Variants in KAZN observed in about 807,000 individuals in gnomAD.
KAZN encodes the protein kazrin, periplakin interacting protein.
A neutral mutation model predicts 87.4 loss-of-function variants in KAZN; 40 were observed. The ratio of observed to expected loss-of-function variants is 0.46; its 90% CI spans 0.36 to 0.60. The LOEUF (loss-of-function observed/expected upper bound fraction) is 0.60, where lower values mean the gene tolerates loss of function less well. KAZN is among the 20% of genes least tolerant of loss of function. KAZN has a pLI of 0.00. For synonymous variants in KAZN, 466 were observed against 458.3 expected (o/e 1.02, Z -0.22); for missense variants, 898 against 1,073.9 (o/e 0.84, Z 2.29).
chr1:14,438,449 C>T (rs767629589), intron 2 of KAZN, among the ~76,000 whole-genome samples: 33 of 152,212 alleles, frequency 2.2e-4, no homozygotes, highest in Middle Eastern at 3.4e-3. Flanking sequence ...GGAACGGGGC[C>T]GGCCAGGAAA....
At chr1:14,480,781 AAT>A (rs1056486790) in intron 2 of KAZN, among the ~76,000 whole-genome samples, 2 of 146,010 alleles carry the variant, frequency 1.4e-5, no homozygotes, top group Non-Finnish European at 3.0e-5. Context: ...TAATATATAT[AAT>A]ATATATAAAA....
chr1:14,858,018 G>C (rs1008797366), intron 1 of KAZN, among the ~76,000 whole-genome samples: 3 of 152,016 alleles, frequency 2.0e-5, no homozygotes, highest in African/African-American at 7.3e-5. Flanking sequence ...CTATAGATTT[G>C]CCTATTCTGT....
intron 1 of KAZN, among the ~76,000 whole-genome samples, chr1:14,804,953 TG>T (rs1646158905): frequency 6.6e-6 from 1 of 152,232 alleles, no homozygotes; most frequent in South Asian, 2.1e-4. Flanking sequence ...ATGTTCATTT[TG>T]TTGACATTTA....
intron 2 of KAZN, among the ~76,000 whole-genome samples, chr1:14,989,969 C>T (rs1285203411): frequency 6.6e-6 from 1 of 152,180 alleles, no homozygotes; most frequent in African/African-American, 2.4e-5. Context: ...CTGGGGTGTG[C>T]ACACTCTGTC....
chr1:14,318,085 T>G (rs1182653814), intron 2 of KAZN, among the ~76,000 whole-genome samples: 1 of 152,068 alleles, frequency 6.6e-6, no homozygotes, highest in Non-Finnish European at 1.5e-5. Flanking sequence ...CTGATACCTT[T>G]TTATTGTTTT....
rs1480898585 is a variant in KAZN at position 14,949,327 on chromosome 1, T to G, written c.227-11357T>G. ...AAAAGAAAATGTGCTCACTGAGGGCTGGAGGAGGCAGCTGGCCAGGCCCTG... is the reference window on the plus strand; with the variant it reads ...AAAAGAAAATGTGCTCACTGAGGGCGGGAGGAGGCAGCTGGCCAGGCCCTG... On this transcript the variant is annotated intron_variant, in intron 1 of 14. Transcript: ENST00000376030. The surrounding 1 kb of genome is among the most constrained non-coding windows in gnomAD (Gnocchi z 4.3). Among the ~76,000 whole-genome samples, 1 of 152,094 alleles carries G rather than the reference T, an allele frequency of 6.6e-6. No homozygotes were observed. Among genetic ancestry groups the G allele is most frequent in the Non-Finnish European group, 1.5e-5 (1 of 68,032 alleles).
intron 13 of KAZN, among the ~76,000 whole-genome samples, chr1:15,107,428 C>A (rs893995618): frequency 7.9e-5 from 12 of 152,158 alleles, no homozygotes; most frequent in African/African-American, 2.9e-4. Flanking sequence ...AGACATAAAC[C>A]CATCCAGAAT....
intron 2 of KAZN, among the ~76,000 whole-genome samples, chr1:14,559,907 C>T (rs1674152434): frequency 6.6e-6 from 1 of 152,198 alleles, no homozygotes; most frequent in Non-Finnish European, 1.5e-5. Context: ...CTCACCAGTC[C>T]AAGACCTAGG....
intron 1 of KAZN, among the ~76,000 whole-genome samples, chr1:14,742,083 A>G (rs908956750): frequency 6.6e-6 from 1 of 152,202 alleles, no homozygotes; most frequent in Non-Finnish European, 1.5e-5. Context: ...GAATTGTCCC[A>G]GTGTGGACAG....
At chr1:15,006,636 G>A (rs1669032105) in intron 2 of KAZN, among the ~76,000 whole-genome samples, 1 of 152,210 alleles carries the variant, frequency 6.6e-6, no homozygotes, top group Non-Finnish European at 1.5e-5. Flanking sequence ...TACAGCAGTT[G>A]ACAAAACAGA....
intron 1 of KAZN, among the ~76,000 whole-genome samples, chr1:14,753,908 T>C (rs1175020201): frequency 1.3e-5 from 2 of 152,210 alleles, no homozygotes; most frequent in Non-Finnish European, 1.5e-5. Context: ...GCTTCCAAGA[T>C]AGCGTCTTCT....
chr1:14,954,363 C>G (rs1243910255), intron 1 of KAZN, among the ~76,000 whole-genome samples: 1 of 152,216 alleles, frequency 6.6e-6, no homozygotes, highest in Non-Finnish European at 1.5e-5. Flanking sequence ...AGTTTTTTGT[C>G]CTTGGGCAAA....
At chr1:15,044,520 A>C (rs1304989772) in intron 4 of KAZN, among the ~76,000 whole-genome samples, 1 of 152,102 alleles carries the variant, frequency 6.6e-6, no homozygotes, top group Non-Finnish European at 1.5e-5. Context: ...AGACCAGGGC[A>C]GGTGGATCGT....
intron 2 of KAZN, among the ~76,000 whole-genome samples, chr1:14,487,306 G>A (rs1348900033): frequency 6.6e-6 from 1 of 152,138 alleles, no homozygotes; most frequent in Non-Finnish European, 1.5e-5. Flanking sequence ...CTTAAGTAAT[G>A]GACAATATGT....
chr1:14,263,778 G>A (rs1278835332), intron 2 of KAZN, among the ~76,000 whole-genome samples: 1 of 152,210 alleles, frequency 6.6e-6, no homozygotes, highest in East Asian at 1.9e-4. Context: ...TATGTTTAAG[G>A]ACACGCAGTG....
chr1:13,945,710 TGAGAGAGAGAGA>T (rs200937986), intron 1 of KAZN, among the ~76,000 whole-genome samples: 1 of 137,268 alleles, frequency 7.3e-6, no homozygotes, highest in South Asian at 2.3e-4. Flanking sequence ...TGTGTGTGTG[TGAGAGAGAGAGA>T]GAGAGAGAGA....
chr1:14,862,929 A>T (rs912354917), intron 1 of KAZN, among the ~76,000 whole-genome samples: 1 of 152,228 alleles, frequency 6.6e-6, no homozygotes, highest in Non-Finnish European at 1.5e-5. Context: ...GACAAGCGCA[A>T]TGTTGTACCC....
chr1:14,676,184 A>G (rs1405809594), intron 1 of KAZN, among the ~76,000 whole-genome samples: 1 of 152,204 alleles, frequency 6.6e-6, no homozygotes, highest in African/African-American at 2.4e-5. Context: ...TCCACTTTGA[A>G]TTAGCTGTTG....
intron 1 of KAZN, among the ~76,000 whole-genome samples, chr1:14,129,048 C>G (rs1269013894): frequency 6.6e-6 from 1 of 152,150 alleles, no homozygotes; most frequent in Non-Finnish European, 1.5e-5. Context: ...ACTCACTTCC[C>G]TTGCTCAACC....
Sources: gnomAD v4.1 joint callset for allele counts (sites outside exome capture counted in the v4.1 genomes callset) on GRCh38, gnomAD v4.1.1 for gene constraint, Gnocchi (gnomAD v3.1) non-coding constraint, MANE v1.5 for transcripts, NCBI Gene and HGNC (gene_info 2026-07-23, HGNC 2026-07-21) for gene names.